Variants in RHBDD1 observed in about 807,000 individuals in gnomAD.
RHBDD1 encodes rhomboid-related protein 4.
Under a neutral mutation model 36.3 loss-of-function variants are expected in RHBDD1, and 38 were observed. That is an observed-to-expected ratio of 1.05 (90% CI 0.81 to 1.37). RHBDD1 has a LOEUF of 1.37. Among genes scored for constraint, RHBDD1 ranks in the 40% most tolerant of loss-of-function variants. The pLI, the probability that RHBDD1 is intolerant of heterozygous loss-of-function variation, is 0.00. For missense variants in RHBDD1, 393 were observed against 377.6 expected (o/e 1.04, Z -0.34); for synonymous variants, 151 against 136.5 (o/e 1.11, Z -0.74).
chr2:226,890,352 A>G (rs946706963), intron 5 of RHBDD1, among the ~76,000 whole-genome samples: 2 of 152,204 alleles, frequency 1.3e-5, no homozygotes, highest in Non-Finnish European at 2.9e-5. Context: ...AATTCTTACA[A>G]TATTTTTATT....
chr2:226,966,296 G>A lies in RHBDD1; in HGVS notation c.857-29135G>A, dbSNP rs114946427. Among the ~76,000 whole-genome samples the A allele has an allele frequency of 6.5e-3, 992 of 152,220 alleles. 8 individuals carry two copies. The highest frequency in any genetic ancestry group is 0.011 in the Non-Finnish European group (742 of 68,014). ...ACCATCTGTCCTTGCACTCTTCACC[G>A]TAAGGCTCATCCTTGGTATCAGTTT... On this transcript the variant is annotated intron_variant, in intron 8 of 8. Transcript: ENST00000392062.
At chr2:226,917,970 A>G (rs1346224535) in intron 8 of RHBDD1, among the ~76,000 whole-genome samples, 6 of 152,072 alleles carry the variant, frequency 3.9e-5, no homozygotes, top group Non-Finnish European at 7.4e-5. Flanking sequence ...AAATTGTGGA[A>G]GATAGACCAT....
chr2:226,884,333 A>C (rs535250983), intron 5 of RHBDD1, among the ~76,000 whole-genome samples: 103 of 152,064 alleles, frequency 6.8e-4, no homozygotes, highest in Admixed American at 1.0e-3. Context: ...TATGAGTTGA[A>C]ATCATTAGTA....
upstream of RHBDD1, among the ~76,000 whole-genome samples, chr2:226,831,622 C>G (rs536559634): frequency 2.2e-4 from 34 of 152,242 alleles, no homozygotes; most frequent in Non-Finnish European, 3.7e-4. Flanking sequence ...GAGCAGAGCC[C>G]TGCCAACACT....
chr2:226,886,930 C>T (rs1043916277), intron 5 of RHBDD1, among the ~76,000 whole-genome samples: 3 of 151,338 alleles, frequency 2.0e-5, no homozygotes, highest in Admixed American at 1.3e-4. Context: ...ATGATAAAGG[C>T]AAATTTTAAT....
chr2:226,859,016 G>A (rs1943588001), intron 3 of RHBDD1, among the ~76,000 whole-genome samples: 1 of 152,188 alleles, frequency 6.6e-6, no homozygotes, highest in Non-Finnish European at 1.5e-5. Context: ...AAAATGCTAA[G>A]TGGAATAATA....
chr2:226,841,101 T>C (rs920361366), intron 3 of RHBDD1, among the ~76,000 whole-genome samples: 1 of 152,158 alleles, frequency 6.6e-6, no homozygotes, highest in South Asian at 2.1e-4. Context: ...AATTTCTTGT[T>C]TTTTTCTTTC....
At chr2:226,851,905 G>A (rs372306253) in intron 3 of RHBDD1, among the ~76,000 whole-genome samples, 96 of 152,248 alleles carry the variant, frequency 6.3e-4, no homozygotes, top group African/African-American at 2.2e-3. Context: ...AAAGCTTGGC[G>A]TTTGTTGCGG....
At chr2:226,960,712 T>C (rs1044539673) in intron 8 of RHBDD1, among the ~76,000 whole-genome samples, 5 of 152,316 alleles carry the variant, frequency 3.3e-5, no homozygotes, top group South Asian at 4.1e-4. Context: ...AGCTGTAATA[T>C]TGACATCTCG....
In RHBDD1 at chr2:226,986,183, G is replaced by A. The variant is rs1462793122; in HGVS notation, c.857-9248G>A. Among the ~76,000 whole-genome samples, 4 of 152,152 alleles carry A rather than the reference G, an allele frequency of 2.6e-5. No homozygotes were observed. The East Asian group carries it at 5.8e-4, about 22-fold the overall frequency. ...ACCACTCAAGACTGTCAAGGTCATG[G>A]GGGTCAAGAAAGGACTCAGAAAGAG... is the stretch of plus-strand genomic sequence containing the variant. On this transcript the variant is annotated intron_variant, in intron 8 of 8. Coordinates refer to ENST00000392062, the MANE Select transcript of RHBDD1 (RefSeq NM_001167608.3).
intron 3 of RHBDD1, among the ~76,000 whole-genome samples, chr2:226,849,518 A>C (rs1431074105): frequency 6.6e-6 from 1 of 152,196 alleles, no homozygotes; most frequent in Non-Finnish European, 1.5e-5. Context: ...CATTGCCCTC[A>C]GGCTCCACCT....
chr2:226,944,077 G>T (rs1417233961), intron 8 of RHBDD1, among the ~76,000 whole-genome samples: 1 of 151,944 alleles, frequency 6.6e-6, no homozygotes, highest in Admixed American at 6.5e-5. Context: ...AGCGACAGGG[G>T]GAAGTGAAAG....
intron 8 of RHBDD1, among the ~76,000 whole-genome samples, chr2:226,948,541 C>T (rs1445770940): frequency 9.5e-6 from 1 of 105,404 alleles, no homozygotes; most frequent in Admixed American, 1.3e-4. Flanking sequence ...ACAATGTGCA[C>T]ATGTACCCTA....
intron 8 of RHBDD1, among the ~76,000 whole-genome samples, chr2:226,923,513 T>C (rs1419801791): frequency 6.6e-6 from 1 of 152,142 alleles, no homozygotes; most frequent in East Asian, 1.9e-4. Flanking sequence ...TTGGGTCAAA[T>C]CTGTTTGATG....
At chr2:226,982,751 C>T (rs1956055024) in intron 8 of RHBDD1, among the ~76,000 whole-genome samples, 1 of 152,172 alleles carries the variant, frequency 6.6e-6, no homozygotes. Context: ...GGTGTGTTAG[C>T]TTGTTCTTTC....
chr2:226,885,538 G>A (rs1574953932), intron 5 of RHBDD1, among the ~76,000 whole-genome samples: 1 of 151,830 alleles, frequency 6.6e-6, no homozygotes. Flanking sequence ...ATAAAATAAG[G>A]GTAGAAAGAA....
chr2:226,972,638 C>T (rs1953763701), intron 8 of RHBDD1, among the ~76,000 whole-genome samples: 1 of 152,134 alleles, frequency 6.6e-6, no homozygotes, highest in Non-Finnish European at 1.5e-5. Flanking sequence ...ACTTGCCCTC[C>T]ATCTATGAAA....
intron 8 of RHBDD1, among the ~76,000 whole-genome samples, chr2:226,958,870 G>C (rs1951979528): frequency 6.6e-6 from 1 of 152,056 alleles, no homozygotes. Context: ...GATTCAGTTA[G>C]AGCTAGACAT....
chr2:226,993,422 A>C (rs536068928), intron 8 of RHBDD1, among the ~76,000 whole-genome samples: 1 of 152,340 alleles, frequency 6.6e-6, no homozygotes, highest in South Asian at 2.1e-4. Context: ...AGTGCAATTA[A>C]GACCAGTCTT....
Sources: gnomAD v4.1 joint callset for allele counts (sites outside exome capture counted in the v4.1 genomes callset) on GRCh38, gnomAD v4.1.1 for gene constraint, MANE v1.5 for transcripts, NCBI Gene and HGNC (gene_info 2026-07-23, HGNC 2026-07-21) for gene names.